PDE1A: variants seen among roughly 807,000 people sequenced by gnomAD.
PDE1A encodes the protein phosphodiesterase 1A.
A neutral mutation model predicts 61.7 loss-of-function variants in PDE1A; 35 were observed. The ratio of observed to expected loss-of-function variants is 0.57; its 90% confidence interval spans 0.43 to 0.75. The LOEUF is 0.75. PDE1A is among the 30% of genes least tolerant of loss of function. PDE1A has a pLI of 0.00. For synonymous variants in PDE1A, 232 were observed against 213.2 expected (o/e 1.09, Z -0.77); for missense variants, 597 against 630.6 (o/e 0.95, Z 0.57).
chr2:182,371,555 T>G (rs1319634349), intron 1 of PDE1A, among the ~76,000 whole-genome samples: 1 of 152,172 alleles, frequency 6.6e-6, no homozygotes, highest in Admixed American at 6.5e-5. Context: ...ACATTTACAA[T>G]TTTGCCCTAA....
At chr2:182,211,042 A>T (rs1390868935) in intron 7 of PDE1A, among the ~76,000 whole-genome samples, 2 of 152,198 alleles carry the variant, frequency 1.3e-5, no homozygotes, top group African/African-American at 2.4e-5. Flanking sequence ...AGTGCAAGAG[A>T]GCAAACCCTC....
chr2:182,426,552 G>A, intron 1 of PDE1A, 26 bp downstream of exon 1: 1 of 1,495,550 alleles, frequency 6.7e-7, no homozygotes, highest in Middle Eastern at 1.7e-4. Context: ...CAGCCCTAGA[G>A]CCACCTGCGA....
At chr2:182,411,366 G>A (rs1414919195) in intron 1 of PDE1A, among the ~76,000 whole-genome samples, 1 of 152,112 alleles carries the variant, frequency 6.6e-6, no homozygotes, top group Non-Finnish European at 1.5e-5. Context: ...TCTCACTGCT[G>A]TATAGCATTC....
At chr2:182,647,651 A>C in the PDE1A span, among the ~76,000 whole-genome samples, 1 of 152,190 alleles carries the variant, frequency 6.6e-6, no homozygotes, top group Admixed American at 6.5e-5. Context: ...ACTTAAGTTG[A>C]ACACCATCTG....
intron 1 of PDE1A, among the ~76,000 whole-genome samples, chr2:182,407,763 G>A (rs112470558): frequency 4.6e-5 from 7 of 152,246 alleles, no homozygotes; most frequent in African/African-American, 1.7e-4. Flanking sequence ...TACTCTTGAA[G>A]CAAATGTATG....
chr2:182,651,321 C>T, the PDE1A span, among the ~76,000 whole-genome samples: 4 of 152,004 alleles, frequency 2.6e-5, no homozygotes, highest in Non-Finnish European at 5.9e-5. Flanking sequence ...ATTTTTAATG[C>T]CAAATTAGGG....
exon 3 of PDE1A, chr2:182,240,281 T>C (rs770212219): frequency 1.3e-6 from 2 of 1,559,624 alleles, no homozygotes; most frequent in South Asian, 2.5e-5. Flanking sequence ...ATCTTCAGTA[T>C]CCAGAAGTCT....
chr2:182,260,915 C>T (rs146807061), intron 2 of PDE1A, among the ~76,000 whole-genome samples: 2 of 152,334 alleles, frequency 1.3e-5, no homozygotes, highest in African/African-American at 2.4e-5. Flanking sequence ...TAATCCAACT[C>T]TTCAACTCCC....
At chr2:182,204,241 A>C (rs1168372858) in intron 8 of PDE1A, among the ~76,000 whole-genome samples, 1 of 152,248 alleles carries the variant, frequency 6.6e-6, no homozygotes, top group Non-Finnish European at 1.5e-5. Context: ...TTTAGGAAAT[A>C]TCTCAGAACT....
the PDE1A span, among the ~76,000 whole-genome samples, chr2:182,691,374 C>T: frequency 1.3e-5 from 2 of 152,100 alleles, no homozygotes; most frequent in African/African-American, 4.8e-5. Flanking sequence ...GAAATAATAC[C>T]ACACATCTAC....
intron 2 of PDE1A, among the ~76,000 whole-genome samples, chr2:182,444,518 A>C (rs914188356): frequency 6.6e-6 from 1 of 152,168 alleles, no homozygotes; most frequent in Admixed American, 6.6e-5. Flanking sequence ...TGTATAAAGT[A>C]GCTTGGCAAT....
At chr2:182,281,794 A>G (rs989131159) in intron 1 of PDE1A, among the ~76,000 whole-genome samples, 21 of 151,952 alleles carry the variant, frequency 1.4e-4, no homozygotes, top group African/African-American at 5.1e-4. Flanking sequence ...ATTGACTGGA[A>G]GGGAAAATAT....
intron 1 of PDE1A, among the ~76,000 whole-genome samples, chr2:182,296,483 C>A (rs896777932): frequency 6.6e-6 from 1 of 152,110 alleles, no homozygotes; most frequent in African/African-American, 2.4e-5. Context: ...CAGATATAGA[C>A]ACAGATACAG....
intron 1 of PDE1A, among the ~76,000 whole-genome samples, chr2:182,413,272 G>A (rs936639868): frequency 6.6e-6 from 1 of 152,162 alleles, no homozygotes; most frequent in Non-Finnish European, 1.5e-5. Context: ...ACATAACCAT[G>A]ACAAAGTTTA....
chr2:182,549,783 G>A, the PDE1A span, among the ~76,000 whole-genome samples: 1 of 152,034 alleles, frequency 6.6e-6, no homozygotes. Flanking sequence ...ATTTGTGTGT[G>A]TATATGTTTA....
upstream of PDE1A, among the ~76,000 whole-genome samples, chr2:182,524,281 C>T (rs892177779): frequency 6.6e-6 from 1 of 152,128 alleles, no homozygotes. Flanking sequence ...CCATAGATAG[C>T]AAGTACTCTA....
chr2:182,622,469 T>C, the PDE1A span, among the ~76,000 whole-genome samples: 8 of 152,192 alleles, frequency 5.3e-5, no homozygotes. Flanking sequence ...TAAACTATCC[T>C]GAAGTAAGTT....
chr2:182,142,914 T>C (rs1387815549), downstream of PDE1A: 2 of 152,240 alleles, frequency 1.3e-5, no homozygotes, highest in East Asian at 3.8e-4. Context: ...TCAAAATTTA[T>C]GTTCTTCTTA....
chr2:182,370,548 G>A (rs917136626), intron 1 of PDE1A, among the ~76,000 whole-genome samples: 3 of 152,180 alleles, frequency 2.0e-5, no homozygotes, highest in African/African-American at 7.2e-5. Context: ...AGCTCAGAGG[G>A]GGCAGATGAT....
Sources: gnomAD v4.1 joint callset for allele counts (sites outside exome capture counted in the v4.1 genomes callset) on GRCh38, gnomAD v4.1.1 for gene constraint, MANE v1.5 for transcripts, NCBI Gene and HGNC (gene_info 2026-07-23, HGNC 2026-07-21) for gene names.